The following ASB3 variants were observed in gnomAD, a reference collection of about 807,000 sequenced individuals.
ASB3 encodes the protein ankyrin repeat and SOCS box containing 3.
In ASB3, 41 loss-of-function variants were observed where a neutral mutation model predicts 54.5. The observed-to-expected ratio is 0.75, with a 90% CI of 0.59 to 0.98. ASB3 has a LOEUF of 0.98. Among genes scored for constraint, ASB3 ranks in the 50% least tolerant of loss-of-function variants. ASB3 has a pLI of 0.00. For missense variants in ASB3, 733 were observed against 620.0 expected, an observed-to-expected ratio of 1.18 and a Z score of -1.94; for synonymous variants, 266 against 221.2, an observed-to-expected ratio of 1.20 and a Z score of -1.80.
intron 9 of ASB3, among the ~76,000 whole-genome samples, chr2:53,682,926 G>A (rs114448797): frequency 0.11 from 16,656 of 152,188 alleles, 1,259 homozygotes; most frequent in Non-Finnish European, 0.16. Context: ...TGCAAACAAG[G>A]ACATTTTGAC....
intron 3 of ASB3, among the ~76,000 whole-genome samples, chr2:53,743,742 CTTACA>C (rs1433707193): frequency 3.9e-5 from 6 of 152,256 alleles, no homozygotes; most frequent in South Asian, 2.1e-4. Flanking sequence ...TTCATAATTG[CTTACA>C]TTAAAGAATT....
At chr2:53,733,690 C>T (rs774023031) in intron 3 of ASB3, among the ~76,000 whole-genome samples, 2 of 152,134 alleles carry the variant, frequency 1.3e-5, no homozygotes, top group Non-Finnish European at 2.9e-5. Flanking sequence ...AATCCGCCCA[C>T]CTTGGCCTCC....
chr2:53,706,203 T>C (rs1361664100), intron 7 of ASB3, among the ~76,000 whole-genome samples: 1 of 152,190 alleles, frequency 6.6e-6, no homozygotes, highest in Admixed American at 6.5e-5. Context: ...CTGTGACTCA[T>C]CCAAGCCCAA....
At chr2:53,671,353 C>CGTGTGTGTGTGTGT (rs142473697) in intron 9 of ASB3, among the ~76,000 whole-genome samples, 52 of 142,602 alleles carry the variant, frequency 3.6e-4, no homozygotes, top group African/African-American at 1.2e-3. Context: ...GAACCCAAAG[C>CGTGTGTGTGTGTGT]GTGTGTGTGT....
intron 1 of ASB3, among the ~76,000 whole-genome samples, chr2:53,777,547 T>C (rs1674408741): frequency 6.6e-6 from 1 of 152,194 alleles, no homozygotes; most frequent in Admixed American, 6.5e-5. Flanking sequence ...CATATGTCTG[T>C]TACATGAAGG....
At chr2:53,742,570 C>T (rs1194476043) in intron 3 of ASB3, among the ~76,000 whole-genome samples, 1 of 151,938 alleles carries the variant, frequency 6.6e-6, no homozygotes, top group Non-Finnish European at 1.5e-5. Flanking sequence ...AGCACCAACA[C>T]TGAAATACAA....
intron 7 of ASB3, among the ~76,000 whole-genome samples, chr2:53,712,315 A>G (rs904280506): frequency 1.3e-5 from 2 of 152,192 alleles, no homozygotes; most frequent in Admixed American, 1.3e-4. Context: ...TAGGTTTTAA[A>G]TTCCTAAAGG....
chr2:53,692,784 T>C (rs950246272), intron 9 of ASB3, among the ~76,000 whole-genome samples: 10 of 152,230 alleles, frequency 6.6e-5, no homozygotes, highest in Admixed American at 2.6e-4. Context: ...CAGATATTTG[T>C]TCTCTACTGC....
intron 5 of ASB3, among the ~76,000 whole-genome samples, chr2:53,725,504 T>C (rs773603504): frequency 6.6e-6 from 1 of 152,216 alleles, no homozygotes; most frequent in Non-Finnish European, 1.5e-5. Context: ...TACGCCATTG[T>C]ATAAAGATTT....
At chr2:53,679,137 C>T (rs1668233981) in intron 9 of ASB3, among the ~76,000 whole-genome samples, 1 of 152,140 alleles carries the variant, frequency 6.6e-6, no homozygotes, top group South Asian at 2.1e-4. Context: ...TTCCTTTATC[C>T]CTGTTCTGAC....
chr2:53,718,607 T>C (rs1286643439), intron 5 of ASB3, among the ~76,000 whole-genome samples: 2 of 151,980 alleles, frequency 1.3e-5, no homozygotes, highest in Non-Finnish European at 2.9e-5. Context: ...AATCATACAA[T>C]AGAAACTGCA....
intron 9 of ASB3, among the ~76,000 whole-genome samples, chr2:53,679,525 G>A (rs570533967): frequency 2.6e-4 from 39 of 151,482 alleles, no homozygotes; most frequent in South Asian, 4.2e-4. Context: ...GGCTAATCCC[G>A]TCTCCAACTG....
intron 3 of ASB3, among the ~76,000 whole-genome samples, chr2:53,745,702 C>T (rs1471567169): frequency 1.3e-5 from 2 of 152,188 alleles, no homozygotes; most frequent in East Asian, 3.8e-4. Flanking sequence ...CTAACTGGGC[C>T]ATCAGGACAG....
intron 7 of ASB3, among the ~76,000 whole-genome samples, chr2:53,707,409 G>C (rs1669840987): frequency 6.6e-6 from 1 of 151,330 alleles, no homozygotes; most frequent in Admixed American, 6.6e-5. Context: ...TTGGGAGGCT[G>C]AGGCGGGCAG....
chr2:53,782,949 G>A (rs1260636374), intron 1 of ASB3, among the ~76,000 whole-genome samples: 1 of 152,056 alleles, frequency 6.6e-6, no homozygotes, highest in Non-Finnish European at 1.5e-5. Context: ...AAGACTTCCG[G>A]CTAATTTTTT....
intron 3 of ASB3, among the ~76,000 whole-genome samples, chr2:53,733,997 T>C (rs866029319): frequency 2.0e-5 from 3 of 152,252 alleles, no homozygotes; most frequent in African/African-American, 4.8e-5. Context: ...CAGGAGCATG[T>C]CCTTAAGGCA....
chr2:53,670,784 A>C, intron 9 of ASB3, 94 bp from the exon 10 acceptor site: 1 of 1,348,408 alleles, frequency 7.4e-7, no homozygotes, highest in Non-Finnish European at 1.0e-6. Flanking sequence ...ACTCTTAGTA[A>C]TAAAAGTGAT....
rs1671348035 is a variant in ASB3 at position 53,732,045 on chromosome 2, T to C, written c.356-2475A>G. ...CAAACTCGGCTTACTGCAACCTCCC[T>C]GTCCTGGGTTTCATGCGATTCTTCT... On this transcript the variant is annotated intron_variant, in intron 3 of 9. Coordinates refer to ENST00000263634, the MANE Select transcript of ASB3 (RefSeq NM_016115.5). Among the ~76,000 whole-genome samples the C allele has an allele frequency of 2.0e-5, 3 of 152,122 alleles. No individual in the cohort carries two copies. The South Asian group carries it at 6.2e-4, about 32-fold the overall frequency.
intron 7 of ASB3, among the ~76,000 whole-genome samples, chr2:53,704,920 A>C (rs1179163019): frequency 6.6e-6 from 1 of 152,104 alleles, no homozygotes; most frequent in Non-Finnish European, 1.5e-5. Flanking sequence ...CAACTATATA[A>C]CTTTCTGCAT....
Sources: allele counts gnomAD v4.1 joint callset (sites outside exome capture counted in the v4.1 genomes callset), GRCh38; gene constraint gnomAD v4.1.1; transcripts MANE v1.5; gene names NCBI Gene and HGNC (gene_info 2026-07-23, HGNC 2026-07-21).